The following VAC14 variants were observed in gnomAD, a reference collection of about 807,000 sequenced individuals.
VAC14 encodes the protein protein VAC14 homolog.
VAC14 carries 47 observed loss-of-function variants against 85.3 expected under a neutral mutation model. The ratio of observed to expected loss-of-function variants is 0.55; its 90% CI spans 0.44 to 0.70. VAC14 has a LOEUF of 0.70. Ranked by LOEUF, VAC14 falls within the 30% of genes least tolerant of loss-of-function variation. VAC14 has a pLI of 0.00. For missense variants in VAC14, 861 were observed against 1,004.3 expected, an observed-to-expected ratio of 0.86 and a Z score of 1.93; for synonymous variants, 447 against 430.5, an observed-to-expected ratio of 1.04 and a Z score of -0.47.
At chr16:70,688,982 G>C (rs2053549010) in intron 18 of VAC14, 1 of 985,388 alleles carries the variant, frequency 1.0e-6, no homozygotes, top group African/African-American at 1.7e-5. Context: ...ACCTGGGAAG[G>C]GGTCTCAGGA....
At chr16:70,760,332 G>A (rs1300172135) in intron 12 of VAC14, among the ~76,000 whole-genome samples, 1 of 152,154 alleles carries the variant, frequency 6.6e-6, no homozygotes, top group African/African-American at 2.4e-5. Flanking sequence ...AGTTTCAGGA[G>A]AAGATGGGCT....
chr16:70,796,359 G>A (rs888473287), intron 1 of VAC14, among the ~76,000 whole-genome samples: 4 of 152,152 alleles, frequency 2.6e-5, no homozygotes, highest in African/African-American at 9.7e-5. Flanking sequence ...ATGCCTCACT[G>A]GAACACCATA....
At chr16:70,733,107 A>G (rs966545797) in intron 13 of VAC14, among the ~76,000 whole-genome samples, 2 of 152,204 alleles carry the variant, frequency 1.3e-5, no homozygotes, top group African/African-American at 4.8e-5. Context: ...ATCAACTCCC[A>G]AAAGGAACCC....
At chr16:70,712,893 G>C (rs2054065810) in intron 14 of VAC14, among the ~76,000 whole-genome samples, 1 of 152,214 alleles carries the variant, frequency 6.6e-6, no homozygotes. Context: ...CCACGGGCAG[G>C]GCTGGGGAAG....
rs113880594 is a variant in VAC14, at chr16:70,688,586, T to C, written c.2187-496A>G. On this transcript the variant is annotated intron_variant, in intron 18 of 18. Coordinates refer to ENST00000261776, the MANE Select transcript of VAC14 (RefSeq NM_018052.5). ...ACTTGGCAGGACATTTGTTTTTGAG[T>C]GTTGGGGCCCCAAGGCCTGCAGTCA... The C allele has an allele frequency of 9.1e-5, 90 of 985,578 alleles. 4 individuals carry two copies. The African/African-American group carries it at 1.2e-3, about 13-fold the overall frequency. 61.1% of individuals were successfully genotyped at this position (985,578 alleles called of 1,614,324 possible).
chr16:70,706,879 T>C (rs1408787885), intron 14 of VAC14, among the ~76,000 whole-genome samples: 2 of 152,162 alleles, frequency 1.3e-5, no homozygotes, highest in African/African-American at 4.8e-5. Context: ...CCCAGTACTT[T>C]CCTAGGAGAC....
At chr16:70,706,354 G>A (rs1359324606) in intron 14 of VAC14, among the ~76,000 whole-genome samples, 1 of 152,238 alleles carries the variant, frequency 6.6e-6, no homozygotes, top group Non-Finnish European at 1.5e-5. Flanking sequence ...CCTTAGGACT[G>A]GGCAAACCAG....
intron 5 of VAC14, 81 bp from the exon 6 acceptor site, chr16:70,783,635 T>C: frequency 7.2e-7 from 1 of 1,397,002 alleles, no homozygotes; most frequent in Non-Finnish European, 1.0e-6. Flanking sequence ...GACTGGGCTG[T>C]AGGAAGGGGA....
chr16:70,762,650 C>A lies in VAC14; in HGVS notation c.1306-45G>T. 6.2e-7 allele frequency: 1 copy of A among 1,600,926 alleles called. No individual in the cohort carries two copies. The highest frequency in any genetic ancestry group is 1.1e-5 in the South Asian group (1 of 90,208). ...GGGTGCCCGTGAGTGCTCCCTTCGC[C>A]CCGGGACTACGTGCAGTGCAGTGTC... On this transcript the variant is annotated intron_variant, in intron 11 of 18. Coordinates refer to ENST00000261776, the MANE Select transcript of VAC14 (RefSeq NM_018052.5). This position sits in a 1 kb window ranked among gnomAD's most constrained non-coding sequence, Gnocchi z 4.1.
Position 70,687,804 on chromosome 16 carries a change from C to T in VAC14, c.*124G>A. On this transcript the variant is annotated 3_prime_UTR_variant, in exon 19 of 19. Transcript: ENST00000261776. ...GACACAGCAGCCTCCGGCCCCAACA[C>T]TGCCCTGGGTTGGCAGGCCCAGCCC... The T allele has an allele frequency of 8.9e-7, 1 of 1,119,174 alleles. No individual in the cohort carries two copies. Among genetic ancestry groups the T allele is most frequent in the Non-Finnish European group, 1.2e-6 (1 of 865,454 alleles). The allele number at this position is 1,119,174 out of a possible 1,614,324, so 69.3% of individuals were successfully genotyped here.
At position 70,744,529 on chromosome 16, in the gene VAC14, T is replaced by C. The variant is rs746275730; in HGVS notation, c.1422A>G (p.Ala474=). 5 of 1,611,518 alleles carry C rather than the reference T, an allele frequency of 3.1e-6. No homozygotes were observed. In the Admixed American group the frequency reaches 5.1e-5, roughly 16 times the overall value. ...EVLAEIASSP[A]GQTDDPGPLD... ...GGGGGCCTGGGTCATCCGTCTGGCCTGCGGGGGAGGAAGCGATTTCTGCCA... is the reference window on the plus strand; with the variant it reads ...GGGGGCCTGGGTCATCCGTCTGGCCCGCGGGGGAGGAAGCGATTTCTGCCA... Residue 474 remains alanine, a synonymous_variant, in exon 13 of 19, where the codon GCA becomes GCG. Transcript: ENST00000261776.
At chr16:70,724,595 C>T (rs2054375534) in intron 14 of VAC14, among the ~76,000 whole-genome samples, 1 of 152,228 alleles carries the variant, frequency 6.6e-6, no homozygotes, top group Non-Finnish European at 1.5e-5. Flanking sequence ...GCGAAGGGGT[C>T]TCTAATTAGG....
intron 13 of VAC14, among the ~76,000 whole-genome samples, chr16:70,741,077 T>G (rs1461443250): frequency 6.6e-6 from 1 of 152,252 alleles, no homozygotes; most frequent in East Asian, 1.9e-4. Flanking sequence ...GACAGTCCCT[T>G]TGTGCCTTCG....
In VAC14 at chr16:70,692,940, G is replaced by C. The variant is rs766784652; in HGVS notation, c.2067C>G (p.Asn689Lys). The C allele has an allele frequency of 6.2e-7, 1 of 1,611,242 alleles. No homozygotes were observed. The highest frequency in any genetic ancestry group is 8.5e-7 in the Non-Finnish European group (1 of 1,179,538). The change falls in exon 18 of 19, where the codon AAC becomes AAG. Residue 689 changes from asparagine to lysine, a missense_variant. By Grantham distance (94) the Asn-to-Lys change is moderately conservative (BLOSUM62 0). Coordinates refer to ENST00000261776, the MANE Select transcript of VAC14 (RefSeq NM_018052.5). ...YLRLQLLDVK[N>K]NPYLIKALYG... Reference sequence around the variant, plus strand: ...AGAGGGCCTTGATCAGGTAGGGGTTGTTCTTCACGTCCAGCAGCTGCAGGC... The same window carrying C: ...AGAGGGCCTTGATCAGGTAGGGGTTCTTCTTCACGTCCAGCAGCTGCAGGC...
At chr16:70,716,094 A>G (rs11642775) in intron 14 of VAC14, 97,351 of 152,162 alleles carry the variant, frequency 0.64, 32,206 homozygotes, top group Non-Finnish European at 0.69. Flanking sequence ...TCCTGGCTCT[A>G]CTGACGCTGT....
chr16:70,762,592 G>C lies in VAC14; in HGVS notation c.1319C>G (p.Thr440Arg), dbSNP rs1414241380. 1 of 1,614,050 alleles carries C rather than the reference G, an allele frequency of 6.2e-7. No individual in the cohort carries two copies. Among genetic ancestry groups the C allele is most frequent in the Non-Finnish European group, 8.5e-7 (1 of 1,179,954 alleles). Residue 440 changes from threonine to arginine, a missense_variant, in exon 12 of 19, where the codon ACG (threonine) becomes AGG (arginine). Physicochemically the swap from Thr to Arg is moderately conservative, Grantham distance 71. Coordinates refer to ENST00000261776, the MANE Select transcript of VAC14 (RefSeq NM_018052.5). This position sits in a 1 kb window ranked among gnomAD's most constrained non-coding sequence, Gnocchi z 4.1. ...IKTPRKMFRH[T>R]DSLFPILLQT... ...CAGTAGGATGGGAAAGAGGCTGTCCGTGTGCCGGAACATCTGGAGGGCAGA... is the reference window on the plus strand; with the variant it reads ...CAGTAGGATGGGAAAGAGGCTGTCCCTGTGCCGGAACATCTGGAGGGCAGA...
intron 13 of VAC14, among the ~76,000 whole-genome samples, chr16:70,732,897 C>T (rs2054634663): frequency 6.6e-6 from 1 of 152,174 alleles, no homozygotes; most frequent in Non-Finnish European, 1.5e-5. Flanking sequence ...GATCCACCTG[C>T]CTTGGCCTCC....
At chr16:70,699,570 A>T (rs1174779673) in intron 14 of VAC14, 1 of 152,200 alleles carries the variant, frequency 6.6e-6, no homozygotes, top group Non-Finnish European at 1.5e-5. Flanking sequence ...GTTATACAAA[A>T]GGCAAAAAGG....
chr16:70,735,708 G>A (rs777060128), intron 13 of VAC14, among the ~76,000 whole-genome samples: 1 of 152,212 alleles, frequency 6.6e-6, no homozygotes, highest in Non-Finnish European at 1.5e-5. Flanking sequence ...GCTCGCGTGA[G>A]CGGCATGAAG....
Sources: gnomAD v4.1 joint callset for allele counts (sites outside exome capture counted in the v4.1 genomes callset) on GRCh38, gnomAD v4.1.1 for gene constraint, Gnocchi (gnomAD v3.1) non-coding constraint, MANE v1.5 for transcripts, NCBI Gene and HGNC (gene_info 2026-07-23, HGNC 2026-07-21) for gene names.